NOL4: variants seen among roughly 807,000 people sequenced by gnomAD.
NOL4 encodes nucleolar protein 4.
A neutral mutation model predicts 75.9 loss-of-function variants in NOL4; 17 were observed. The observed-to-expected ratio is 0.22, with a 90% confidence interval of 0.15 to 0.34. The LOEUF (loss-of-function observed/expected upper bound fraction) is 0.34. Ranked by LOEUF, NOL4 falls within the 10% of genes least tolerant of loss-of-function variation. The probability of loss-of-function intolerance (pLI) is 1.00; values close to 1 mark genes in which losing one functional copy is unlikely to be tolerated. For synonymous variants in NOL4, 292 were observed against 289.9 expected, an observed-to-expected ratio of 1.01 and a Z score of -0.07; for missense variants, 614 against 793.5, an observed-to-expected ratio of 0.77 and a Z score of 2.72.
chr18:34,176,718 A>G (rs913737503), intron 1 of NOL4, among the ~76,000 whole-genome samples: 1 of 152,122 alleles, frequency 6.6e-6, no homozygotes, highest in Admixed American at 6.6e-5. Flanking sequence ...GTGTTCATCT[A>G]CAAGCCAGGA....
At chr18:33,861,962 G>A (rs1204092470) in intron 10 of NOL4, among the ~76,000 whole-genome samples, 1 of 152,098 alleles carries the variant, frequency 6.6e-6, no homozygotes, top group Non-Finnish European at 1.5e-5. Flanking sequence ...ACATCGCCAA[G>A]TCAAACCTAA....
intron 9 of NOL4, among the ~76,000 whole-genome samples, chr18:33,884,043 G>A (rs928092728): frequency 6.6e-6 from 1 of 152,104 alleles, no homozygotes; most frequent in Non-Finnish European, 1.5e-5. Context: ...GCACAACCAT[G>A]TGGATGTGGC....
intron 5 of NOL4, among the ~76,000 whole-genome samples, chr18:34,093,015 G>C (rs2078598993): frequency 6.6e-6 from 1 of 152,114 alleles, no homozygotes; most frequent in African/African-American, 2.4e-5. Flanking sequence ...TATTGCTCTG[G>C]TAAAATTTCC....
chr18:33,865,847 T>C (rs1007003311), intron 10 of NOL4, among the ~76,000 whole-genome samples: 8 of 152,174 alleles, frequency 5.3e-5, no homozygotes, highest in African/African-American at 1.9e-4. Flanking sequence ...CTGATGTCAT[T>C]AAGTTTACAC....
intron 1 of NOL4, among the ~76,000 whole-genome samples, chr18:34,162,732 C>A (rs960796118): frequency 6.6e-6 from 1 of 152,202 alleles, no homozygotes; most frequent in African/African-American, 2.4e-5. Context: ...TCCTCCCTAA[C>A]TCATTTTATG....
chr18:34,049,667 C>T (rs2076545316), intron 5 of NOL4, among the ~76,000 whole-genome samples: 1 of 152,058 alleles, frequency 6.6e-6, no homozygotes, highest in Non-Finnish European at 1.5e-5. Context: ...GTAATCTTTT[C>T]TATTTCTCAA....
chr18:34,005,571 C>T (rs549637010), intron 6 of NOL4, among the ~76,000 whole-genome samples: 2 of 152,142 alleles, frequency 1.3e-5, no homozygotes, highest in South Asian at 2.1e-4. Context: ...AATCTCAAAA[C>T]TGAGGCTGGC....
chr18:34,042,422 A>G (rs4290543), intron 5 of NOL4, among the ~76,000 whole-genome samples: 69,308 of 151,796 alleles, frequency 0.46, 15,994 homozygotes, highest in South Asian at 0.52. Context: ...TCCCAATTAC[A>G]AATCCCAGTG....
chr18:33,962,385 T>C (rs1241313262), intron 6 of NOL4, among the ~76,000 whole-genome samples: 1 of 152,198 alleles, frequency 6.6e-6, no homozygotes, highest in Non-Finnish European at 1.5e-5. Context: ...AAATGAATAA[T>C]ACTATCTTTG....
At chr18:34,159,204 C>T (rs746559901) in intron 1 of NOL4, among the ~76,000 whole-genome samples, 2 of 152,184 alleles carry the variant, frequency 1.3e-5, no homozygotes, top group Non-Finnish European at 2.9e-5. Flanking sequence ...TCGCCTCCCC[C>T]GACCTGCAGG....
intron 6 of NOL4, among the ~76,000 whole-genome samples, chr18:33,983,938 C>T (rs1217598076): frequency 2.0e-5 from 3 of 151,920 alleles, no homozygotes; most frequent in Non-Finnish European, 1.5e-5. Context: ...AAATCTAATG[C>T]CTAATTTACA....
intron 8 of NOL4, among the ~76,000 whole-genome samples, chr18:33,947,550 T>C (rs1046173814): frequency 8.6e-5 from 13 of 151,864 alleles, no homozygotes; most frequent in African/African-American, 2.7e-4. Context: ...TAAATACATA[T>C]ACTATTTGAT....
At chr18:33,897,302 G>C (rs534431664) in intron 9 of NOL4, among the ~76,000 whole-genome samples, 7 of 152,074 alleles carry the variant, frequency 4.6e-5, no homozygotes, top group Non-Finnish European at 8.8e-5. Context: ...CTACCATAAA[G>C]ATCATGCATG....
chr18:34,157,797 A>G (rs542664657), intron 1 of NOL4, among the ~76,000 whole-genome samples: 2 of 152,276 alleles, frequency 1.3e-5, no homozygotes, highest in East Asian at 1.9e-4. Context: ...TAGGATGACA[A>G]ATGAAAGGGA....
At chr18:34,163,375 T>C (rs1355799558) in intron 1 of NOL4, among the ~76,000 whole-genome samples, 1 of 151,622 alleles carries the variant, frequency 6.6e-6, no homozygotes, top group African/African-American at 2.4e-5. Context: ...CTTAAGCTGA[T>C]AGGCAATTTC....
Position 33,958,236 on chromosome 18 carries a change from C to T in NOL4, c.1236+3G>A, listed in dbSNP as rs771770414. 1 of 1,611,496 alleles carries T rather than the reference C, an allele frequency of 6.2e-7. No individual in the cohort carries two copies. Among genetic ancestry groups the T allele is most frequent in the Admixed American group, 1.7e-5 (1 of 59,776 alleles). On this transcript the variant is annotated splice_donor_region_variant and intron_variant, in intron 7 of 10. Coordinates refer to ENST00000261592, the MANE Select transcript of NOL4 (RefSeq NM_003787.5). The stretch of plus-strand genomic sequence containing the variant: ...ACCACACTTGGAGTGTGGCAGGACT[C>T]ACATTAAAAGCTTTCAGCCGCTCGG...
At chr18:34,140,920 A>G (rs928997923) in intron 1 of NOL4, among the ~76,000 whole-genome samples, 1 of 152,132 alleles carries the variant, frequency 6.6e-6, no homozygotes, top group African/African-American at 2.4e-5. Flanking sequence ...CAATGACTGT[A>G]TATCTAGAAA....
chr18:34,057,190 T>G (rs2076866835), intron 5 of NOL4, among the ~76,000 whole-genome samples: 2 of 152,168 alleles, frequency 1.3e-5, no homozygotes, highest in African/African-American at 2.4e-5. Flanking sequence ...TTACACTGTT[T>G]GGAGTTCTTG....
At chr18:34,027,547 C>T (rs1366907299) in intron 5 of NOL4, among the ~76,000 whole-genome samples, 2 of 152,150 alleles carry the variant, frequency 1.3e-5, no homozygotes, top group Non-Finnish European at 2.9e-5. Context: ...AGTAGATATT[C>T]AGCAAATGCA....
Sources: allele counts gnomAD v4.1 joint callset (sites outside exome capture counted in the v4.1 genomes callset), GRCh38; gene constraint gnomAD v4.1.1; transcripts MANE v1.5; gene names NCBI Gene and HGNC (gene_info 2026-07-23, HGNC 2026-07-21).